Variants in BPI observed in about 807,000 individuals in gnomAD.
BPI encodes the protein bactericidal permeability-increasing protein.
In BPI, 48 loss-of-function variants were observed where a neutral mutation model predicts 57.6. The ratio of observed to expected loss-of-function variants is 0.83; its 90% CI spans 0.66 to 1.06. The LOEUF (loss-of-function observed/expected upper bound fraction) is 1.06, where lower values mean the gene tolerates loss of function less well. BPI is among the 50% of genes least tolerant of loss of function. The probability of loss-of-function intolerance (pLI) is 0.00; values close to 1 mark genes in which losing one functional copy is unlikely to be tolerated. For missense variants in BPI, 651 were observed against 609.7 expected, an observed-to-expected ratio of 1.07 and a Z score of -0.71; for synonymous variants, 237 against 238.2, an observed-to-expected ratio of 0.99 and a Z score of 0.05.
intron 5 of BPI, chr20:38,318,011 G>A: frequency 1.0e-6 from 1 of 984,972 alleles, no homozygotes; most frequent in Non-Finnish European, 1.2e-6. Context: ...CCCAGGTAAG[G>A]GAAGGCTGGC....
chr20:38,310,882 A>G (rs1568809337), intron 4 of BPI, among the ~76,000 whole-genome samples: 2 of 152,232 alleles, frequency 1.3e-5, no homozygotes, highest in Non-Finnish European at 2.9e-5. Flanking sequence ...CTGAGCACTT[A>G]CTATGTCCCA....
At chr20:38,329,322 G>A (rs910651749) in intron 11 of BPI, among the ~76,000 whole-genome samples, 11 of 152,122 alleles carry the variant, frequency 7.2e-5, no homozygotes, top group Non-Finnish European at 1.0e-4. Context: ...TTTTCACGCC[G>A]CCTTGACCCA....
intron 12 of BPI, among the ~76,000 whole-genome samples, chr20:38,331,886 A>G (rs2076744528): frequency 1.3e-5 from 2 of 151,990 alleles, no homozygotes; most frequent in Non-Finnish European, 2.9e-5. Flanking sequence ...TTCAGTCACA[A>G]TCAAAGCTAT....
intron 11 of BPI, among the ~76,000 whole-genome samples, chr20:38,330,545 A>G (rs971140982): frequency 7.2e-5 from 11 of 152,216 alleles, no homozygotes; most frequent in African/African-American, 2.4e-4. Context: ...GCTTTCAGTC[A>G]AGGAAAGACC....
chr20:38,311,107 C>G (rs1437123702), intron 4 of BPI, among the ~76,000 whole-genome samples: 1 of 152,212 alleles, frequency 6.6e-6, no homozygotes, highest in Non-Finnish European at 1.5e-5. Context: ...TTTGATCACA[C>G]TCATTATCTC....
chr20:38,337,160 C>G lies in BPI; in HGVS notation c.1428C>G (p.Phe476Leu). ...VLQPHQNFLL[F>L]GADVVYK ...TCTCTCCCTAGAACTTCCTGCTGTT[C>G]GGTGCAGACGTTGTCTATAAATGAA... Residue 476 changes from phenylalanine to leucine, a missense_variant, in exon 15 of 15, where the codon TTC becomes TTG. By Grantham distance (22) the Phe-to-Leu change is conservative (BLOSUM62 0). Transcript: ENST00000642449. The G allele has an allele frequency of 1.3e-6, 2 of 1,596,030 alleles. No individual in the cohort carries two copies. Among genetic ancestry groups the G allele is most frequent in the Admixed American group, 1.8e-5 (1 of 56,680 alleles).
At chr20:38,308,305 C>T (rs2076606249) in intron 2 of BPI, among the ~76,000 whole-genome samples, 1 of 151,706 alleles carries the variant, frequency 6.6e-6, no homozygotes, top group Non-Finnish European at 1.5e-5. Context: ...CAAGCTCCAC[C>T]CCCGAAGATG....
intron 12 of BPI, 73 bp downstream of exon 12, chr20:38,331,163 C>T (rs5743537): frequency 0.064 from 98,110 of 1,526,866 alleles, 3,650 homozygotes; most frequent in South Asian, 0.12. Flanking sequence ...GTCATAGGCT[C>T]AAGGCATTAT....
At chr20:38,319,109 C>T (rs1600705044) in intron 6 of BPI, among the ~76,000 whole-genome samples, 1 of 152,144 alleles carries the variant, frequency 6.6e-6, no homozygotes, top group Non-Finnish European at 1.5e-5. Flanking sequence ...ATGGCAGGTG[C>T]CTGTAATCCC....
intron 9 of BPI, 35 bp from the exon 10 acceptor site, chr20:38,326,230 C>T: frequency 6.3e-7 from 1 of 1,586,328 alleles, no homozygotes; most frequent in Non-Finnish European, 8.6e-7. Context: ...ACAGAAACTC[C>T]TCCTTTCGTT....
chr20:38,319,051 A>G (rs963808340), intron 6 of BPI, among the ~76,000 whole-genome samples: 2 of 152,168 alleles, frequency 1.3e-5, no homozygotes, highest in Non-Finnish European at 2.9e-5. Context: ...CTTGGCCAAC[A>G]TGGAGAAACC....
Position 38,326,329 on chromosome 20 carries a change from T to C in BPI, c.1058T>C (p.Leu353Pro). Residue 353 changes from leucine (L) to proline (P), a missense_variant, in exon 10 of 15, where the codon CTG (leucine) becomes CCG (proline). Coordinates refer to ENST00000642449, the MANE Select transcript of BPI (RefSeq NM_001725.3). ...IHVSASTPPH[L>P]SVQPTGLTFY... The stretch of plus-strand genomic sequence containing the variant: ...GTCTCAGCCTCCACCCCGCCACACC[T>C]GTCTGTGCAGCCCACCGGCCTTACC... The C allele has an allele frequency of 6.2e-7, 1 of 1,614,130 alleles. No homozygotes were observed. The highest frequency in any genetic ancestry group is 1.7e-5 in the Admixed American group (1 of 60,006).
chr20:38,311,443 C>A (rs1255485259), intron 4 of BPI, among the ~76,000 whole-genome samples: 2 of 152,194 alleles, frequency 1.3e-5, no homozygotes, highest in East Asian at 3.8e-4. Context: ...TGGGAGCAGG[C>A]CAATTCTTCC....
At chr20:38,313,276 G>A (rs1423084334) in intron 5 of BPI, among the ~76,000 whole-genome samples, 4 of 151,196 alleles carry the variant, frequency 2.6e-5, no homozygotes, top group South Asian at 2.1e-4. Context: ...CCAGCTACTC[G>A]GCATGCTGAG....
At chr20:38,320,048 A>C (rs936233749) in intron 6 of BPI, 135 bp from the exon 7 acceptor site, 2 of 728,636 alleles carry the variant, frequency 2.7e-6, no homozygotes, top group Non-Finnish European at 4.7e-6. Flanking sequence ...CCTTAAGGAG[A>C]GCTCCCTGGA....
chr20:38,310,543 G>C lies in BPI; in HGVS notation c.427G>C (p.Asp143His). The change falls in exon 4 of 15, where the codon GAT becomes CAT. Residue 143 changes from aspartate (D) to histidine (H), a missense_variant. Transcript: ENST00000642449. ...CATAGAAGGCATGTCCATTTCGGCTGATCTGAAGCTGGGCAGTAACCCCAC... is the reference window on the plus strand; with the variant it reads ...CATAGAAGGCATGTCCATTTCGGCTCATCTGAAGCTGGGCAGTAACCCCAC... ...LSIEGMSISA[D>H]LKLGSNPTSG... is the part of the protein sequence containing the mutation. 1 of 1,614,176 alleles carries C rather than the reference G, an allele frequency of 6.2e-7. No individual in the cohort carries two copies. The highest frequency in any genetic ancestry group is 8.5e-7 in the Non-Finnish European group (1 of 1,180,026).
At chr20:38,311,843 C>T (rs928591407) in intron 4 of BPI, 31 bp from the exon 5 acceptor site, 4 of 1,607,196 alleles carry the variant, frequency 2.5e-6, no homozygotes, top group African/African-American at 2.7e-5. Flanking sequence ...ATCAAAAAGC[C>T]TCATCTATGT....
rs768486656 is a variant in BPI, at chr20:38,309,048, A to T, written c.364A>T (p.Lys122Ter). The T allele has an allele frequency of 6.2e-7, 1 of 1,614,170 alleles. No individual in the cohort carries two copies. Among genetic ancestry groups the T allele is most frequent in the South Asian group, 1.1e-5 (1 of 91,076 alleles). Residue 122 changes from lysine to a stop codon, truncating the protein, a stop_gained, in exon 3 of 15, where the codon AAG (lysine) becomes TAG (stop). Transcript: ENST00000642449. LOFTEE classifies it high-confidence loss of function. ...GATCAGCGGGAAATGGAAGGCACAAAAGAGATTCTTGTGCGTTTCCATGCT... is the reference window on the plus strand; with the variant it reads ...GATCAGCGGGAAATGGAAGGCACAATAGAGATTCTTGTGCGTTTCCATGCT... ...IKISGKWKAQ[K>*]RFLKMSGNFD...
At chr20:38,314,523 G>T (rs2076641214) in intron 5 of BPI, among the ~76,000 whole-genome samples, 1 of 138,974 alleles carries the variant, frequency 7.2e-6, no homozygotes, top group African/African-American at 2.7e-5. Context: ...GACGGTGATG[G>T]TAGGGATGAT....
Sources: allele counts gnomAD v4.1 joint callset (sites outside exome capture counted in the v4.1 genomes callset), GRCh38; gene constraint gnomAD v4.1.1; transcripts MANE v1.5; gene names NCBI Gene and HGNC (gene_info 2026-07-23, HGNC 2026-07-21).